SHANK2: variants seen among roughly 807,000 people sequenced by gnomAD.
The protein encoded by SHANK2 is SH3 and multiple ankyrin repeat domains 2.
In SHANK2, 43 loss-of-function variants were observed where a neutral mutation model predicts 133.7. The ratio of observed to expected loss-of-function variants is 0.32; its 90% CI spans 0.25 to 0.41. SHANK2 has a LOEUF of 0.41. Ranked by LOEUF, SHANK2 falls within the 10% of genes least tolerant of loss-of-function variation. The pLI, the probability that SHANK2 is intolerant of heterozygous loss-of-function variation, is 1.00. For synonymous variants in SHANK2, 1,017 were observed against 952.8 expected (o/e 1.07, Z -1.24); for missense variants, 1,994 against 2,235.8 (o/e 0.89, Z 2.18).
intron 21 of SHANK2, among the ~76,000 whole-genome samples, chr11:70,496,022 TG>T (rs1401202236): frequency 6.6e-6 from 1 of 152,156 alleles, no homozygotes; most frequent in Non-Finnish European, 1.5e-5. Context: ...AGGTGGCAGC[TG>T]GGGCTGAATA....
intron 2 of SHANK2, among the ~76,000 whole-genome samples, chr11:71,180,128 C>T (rs1216536764): frequency 2.0e-5 from 3 of 152,226 alleles, no homozygotes; most frequent in Non-Finnish European, 4.4e-5. Flanking sequence ...GGACAAATGT[C>T]ATTATCTTCA....
chr11:71,152,561 C>CG (rs1252510738), intron 2 of SHANK2, among the ~76,000 whole-genome samples: 10 of 152,200 alleles, frequency 6.6e-5, no homozygotes, highest in Admixed American at 2.0e-4. Flanking sequence ...CTGCTGCCGG[C>CG]GGACATCTTC....
intron 2 of SHANK2, among the ~76,000 whole-genome samples, chr11:71,179,200 C>A (rs782409189): frequency 2.0e-5 from 3 of 152,064 alleles, no homozygotes; most frequent in Non-Finnish European, 4.4e-5. Flanking sequence ...CAAATCAAAT[C>A]CAACAATATG....
chr11:70,717,118 G>C (rs1945949913), intron 14 of SHANK2, among the ~76,000 whole-genome samples: 1 of 152,212 alleles, frequency 6.6e-6, no homozygotes, highest in Admixed American at 6.5e-5. Context: ...ACCCAGCCAT[G>C]CTGTCTTTGG....
intron 17 of SHANK2, among the ~76,000 whole-genome samples, chr11:70,636,046 C>T (rs1267401274): frequency 2.0e-5 from 3 of 152,276 alleles, no homozygotes; most frequent in Non-Finnish European, 2.9e-5. Context: ...CCCGGCCCAC[C>T]CTCACCTCAG....
intron 17 of SHANK2, among the ~76,000 whole-genome samples, chr11:70,602,526 C>G (rs1473696538): frequency 6.6e-6 from 1 of 152,204 alleles, no homozygotes; most frequent in Non-Finnish European, 1.5e-5. Context: ...ACAGACACAT[C>G]AGTGATGGGA....
In SHANK2 at chr11:70,914,929, A is replaced by G. The variant is rs76002389; in HGVS notation, c.1108-18362T>C. ...AAAAAAAAGAAAGAAAGAAAAAAAA[A>G]AGGAAGAAAATTCAGTTGTTAAAGT... On this transcript the variant is annotated intron_variant, in intron 10 of 25. Transcript: ENST00000601538. Among the ~76,000 whole-genome samples, 1,171 of 151,492 alleles carry G rather than the reference A, an allele frequency of 7.7e-3. 13 individuals carry two copies. Among genetic ancestry groups the G allele is most frequent in the African/African-American group, 0.027 (1,100 of 41,400 alleles).
At chr11:70,751,609 T>C (rs1255437335) in intron 14 of SHANK2, among the ~76,000 whole-genome samples, 1 of 152,224 alleles carries the variant, frequency 6.6e-6, no homozygotes, top group Non-Finnish European at 1.5e-5. Context: ...TATCTTTTAA[T>C]AGACTATACT....
At chr11:70,564,265 T>TC (rs200734694) in intron 17 of SHANK2, among the ~76,000 whole-genome samples, 156 of 150,328 alleles carry the variant, frequency 1.0e-3, no homozygotes, top group Middle Eastern at 3.5e-3. Context: ...TCTTTTCTTT[T>TC]TTTTTTTTTT....
chr11:71,138,486 C>T (rs1484065085), intron 3 of SHANK2, among the ~76,000 whole-genome samples: 1 of 151,994 alleles, frequency 6.6e-6, no homozygotes, highest in African/African-American at 2.4e-5. Flanking sequence ...TATTTTAATC[C>T]ACAATAATAA....
At chr11:70,862,515 G>GGACTGGACTGGCTGATA (rs1457282127) in intron 11 of SHANK2, among the ~76,000 whole-genome samples, 1 of 152,108 alleles carries the variant, frequency 6.6e-6, no homozygotes, top group East Asian at 1.9e-4. Context: ...ACTGGCTGAT[G>GGACTGGACTGGCTGATA]GACTGGACTG....
At chr11:70,503,375 C>T (rs781854151) in intron 17 of SHANK2, among the ~76,000 whole-genome samples, 14 of 152,172 alleles carry the variant, frequency 9.2e-5, no homozygotes, top group African/African-American at 2.7e-4. Flanking sequence ...GAGGAGGAAA[C>T]GTGGCGCTTA....
At chr11:71,167,358 C>T (rs192702320) in intron 2 of SHANK2, among the ~76,000 whole-genome samples, 4 of 151,010 alleles carry the variant, frequency 2.6e-5, no homozygotes, top group East Asian at 2.0e-4. Flanking sequence ...CCAGTAGGGG[C>T]GGCCGGGCAG....
In SHANK2 at chr11:70,500,607, G is replaced by T; in HGVS notation, c.2288-17C>A. ...GGACCGAGGCTTGCAAACAGAAAGG[G>T]GACCGCCATGAGCCACCAGGATGCA... On this transcript the variant is annotated splice_polypyrimidine_tract_variant and intron_variant, in intron 20 of 25. Transcript: ENST00000601538. This position sits in a 1 kb window ranked among gnomAD's most constrained non-coding sequence, Gnocchi z 4.5. 1 of 1,599,652 alleles carries T rather than the reference G, an allele frequency of 6.3e-7. No individual in the cohort carries two copies. The highest frequency in any genetic ancestry group is 1.1e-5 in the South Asian group (1 of 88,326).
intron 17 of SHANK2, among the ~76,000 whole-genome samples, chr11:70,544,415 G>C (rs374507679): frequency 1.3e-5 from 2 of 152,234 alleles, no homozygotes. Flanking sequence ...GGGGTTTGGA[G>C]GGGGGCAAGG....
At chr11:70,480,932 C>T (rs1487411181) in intron 25 of SHANK2, among the ~76,000 whole-genome samples, 2 of 152,208 alleles carry the variant, frequency 1.3e-5, no homozygotes, top group Admixed American at 1.3e-4. Flanking sequence ...TGTGCTGGGA[C>T]CCCCAGCGTG....
rs558254290 is a variant in SHANK2 at position 70,570,990 on chromosome 11, G to A, written c.2062-68059C>T. On this transcript the variant is annotated intron_variant, in intron 17 of 25. Coordinates refer to ENST00000601538, the MANE Select transcript of SHANK2 (RefSeq NM_012309.5). ...GGTCAAAGCACTCCTGTGCGGTGGT[G>A]TTCATGGGTGTTAGCATTTCTTTCT... Among the ~76,000 whole-genome samples, 9 of 152,266 alleles carry A rather than the reference G, an allele frequency of 5.9e-5. 1 individual carries two copies. In the South Asian group the frequency reaches 1.9e-3, roughly 32 times the overall value.
At chr11:70,682,866 G>A (rs991847517) in intron 15 of SHANK2, among the ~76,000 whole-genome samples, 4 of 152,152 alleles carry the variant, frequency 2.6e-5, no homozygotes, top group African/African-American at 9.7e-5. Flanking sequence ...GTGAGGATGG[G>A]GAATGACACT....
chr11:70,794,705 C>G (rs11824234), intron 14 of SHANK2, among the ~76,000 whole-genome samples: 26,238 of 151,878 alleles, frequency 0.17, 2,608 homozygotes, highest in African/African-American at 0.25. Flanking sequence ...TTACAGGCAT[C>G]ACCATCATGC....
Sources: allele counts gnomAD v4.1 joint callset (sites outside exome capture counted in the v4.1 genomes callset), GRCh38; gene constraint gnomAD v4.1.1; non-coding constraint Gnocchi (gnomAD v3.1); transcripts MANE v1.5; gene names NCBI Gene and HGNC (gene_info 2026-07-23, HGNC 2026-07-21).